BAZ2B: variants seen among roughly 807,000 people sequenced by gnomAD.
The protein encoded by BAZ2B is bromodomain adjacent to zinc finger domain protein 2B.
In BAZ2B, 91 loss-of-function variants were observed where a neutral mutation model predicts 246.0. That is an observed-to-expected ratio of 0.37 (90% confidence interval 0.31 to 0.44). The LOEUF is 0.44. Among genes scored for constraint, BAZ2B ranks in the 20% least tolerant of loss-of-function variants. BAZ2B has a pLI of 1.00. For missense variants in BAZ2B, 2,332 were observed against 2,533.7 expected, an observed-to-expected ratio of 0.92 and a Z score of 1.71; for synonymous variants, 855 against 860.0, an observed-to-expected ratio of 0.99 and a Z score of 0.10.
chr2:159,693,427 T>TTTA, the BAZ2B span: 1 of 148,600 alleles, frequency 6.7e-6, no homozygotes, highest in Non-Finnish European at 1.5e-5. Flanking sequence ...AAATAAACTT[T>TTTA]TTTTTTTTTT....
In BAZ2B at chr2:159,405,020, A is replaced by G. The variant is rs576728835; in HGVS notation, c.2770+2T>C. ...AGTTTATGTTACATTTAAATCACTC[A>G]CCTTGTTGTTTTTTGGCTTCTTTAG... On this transcript the variant is annotated splice_donor_variant, in intron 15 of 36. Coordinates refer to ENST00000392783, the MANE Select transcript of BAZ2B (RefSeq NM_013450.4). LOFTEE classifies it high-confidence loss of function. 1.9e-5 allele frequency: 30 copies of G among 1,613,664 alleles called. No individual in the cohort carries two copies. The Middle Eastern group carries it at 9.9e-4, about 53-fold the overall frequency.
chr2:159,563,449 G>A (rs1331480343), intron 1 of BAZ2B, among the ~76,000 whole-genome samples: 1 of 152,124 alleles, frequency 6.6e-6, no homozygotes, highest in African/African-American at 2.4e-5. Context: ...AAAGAGGAGT[G>A]TAAGGCATAC....
chr2:159,593,286 G>C lies in BAZ2B; in HGVS notation c.-46+22956C>G, dbSNP rs116670657. On this transcript the variant is annotated intron_variant, in intron 1 of 36. Transcript: ENST00000392783. ...CAAATCTCTGTATTTTATCTTTGTA[G>C]AATCTGGAATGTACTTCTATGTATT... Among the ~76,000 whole-genome samples, 918 of 152,210 alleles carry C rather than the reference G, an allele frequency of 6.0e-3. 7 individuals are homozygous for C. Among genetic ancestry groups the C allele is most frequent in the African/African-American group, 0.021 (876 of 41,526 alleles).
At chr2:159,541,489 G>C (rs547424239) in intron 2 of BAZ2B, among the ~76,000 whole-genome samples, 1 of 152,002 alleles carries the variant, frequency 6.6e-6, no homozygotes, top group South Asian at 2.1e-4. Context: ...ATGTTGGCCA[G>C]GCTGGTCTCA....
At chr2:159,420,070 T>G (rs2068459380) in intron 13 of BAZ2B, among the ~76,000 whole-genome samples, 1 of 152,224 alleles carries the variant, frequency 6.6e-6, no homozygotes, top group Non-Finnish European at 1.5e-5. Context: ...GCATTGTGCC[T>G]ACTGTTTTAT....
intron 34 of BAZ2B, among the ~76,000 whole-genome samples, chr2:159,330,604 T>A (rs2064563919): frequency 6.6e-6 from 1 of 152,000 alleles, no homozygotes; most frequent in African/African-American, 2.4e-5. Flanking sequence ...CTCACACCTG[T>A]AATCCCAGAC....
intron 1 of BAZ2B, among the ~76,000 whole-genome samples, chr2:159,599,456 T>C (rs1383664520): frequency 6.6e-6 from 1 of 151,134 alleles, no homozygotes; most frequent in African/African-American, 2.4e-5. Context: ...CCGTCTCTAC[T>C]AAAAAGACAA....
chr2:159,698,319 T>A, the BAZ2B span, among the ~76,000 whole-genome samples: 1 of 151,762 alleles, frequency 6.6e-6, no homozygotes, highest in African/African-American at 2.4e-5. Context: ...TCCATTGAGT[T>A]TGAGACCAGC....
intron 1 of BAZ2B, chr2:159,615,172 C>T (rs1013490905): frequency 6.7e-6 from 1 of 150,274 alleles, no homozygotes; most frequent in African/African-American, 2.4e-5. Flanking sequence ...GAAAATCTCC[C>T]AAACAACAGA....
chr2:159,394,976 A>C (rs2063816859), intron 20 of BAZ2B, among the ~76,000 whole-genome samples: 1 of 152,204 alleles, frequency 6.6e-6, no homozygotes, highest in African/African-American at 2.4e-5. Flanking sequence ...AGCTGAAACC[A>C]AAATACTGAA....
chr2:159,622,289 A>AAAAAGGC, the BAZ2B span, among the ~76,000 whole-genome samples: 24 of 116,624 alleles, frequency 2.1e-4, no homozygotes, highest in Non-Finnish European at 3.5e-4. Flanking sequence ...AAAAAGGCAA[A>AAAAAGGC]AACCAAAGTG....
chr2:159,351,289 T>C (rs986825827), intron 27 of BAZ2B, among the ~76,000 whole-genome samples: 4 of 152,120 alleles, frequency 2.6e-5, no homozygotes, highest in African/African-American at 9.7e-5. Context: ...CACCTTGACA[T>C]GTCGATAAAC....
At chr2:159,352,763 G>A (rs1401844482) in intron 27 of BAZ2B, among the ~76,000 whole-genome samples, 1 of 152,138 alleles carries the variant, frequency 6.6e-6, no homozygotes, top group African/African-American at 2.4e-5. Context: ...TGGGATTACA[G>A]GCATGAGCCA....
intron 14 of BAZ2B, among the ~76,000 whole-genome samples, chr2:159,409,735 G>GA (rs2066530676): frequency 6.6e-6 from 1 of 151,946 alleles, no homozygotes; most frequent in Non-Finnish European, 1.5e-5. Context: ...TTCTTCACAG[G>GA]AAAAAATGCA....
At chr2:159,487,517 T>TC (rs1316573528) in intron 2 of BAZ2B, among the ~76,000 whole-genome samples, 1 of 152,166 alleles carries the variant, frequency 6.6e-6, no homozygotes, top group Non-Finnish European at 1.5e-5. Context: ...CTTTCACTGT[T>TC]CCCTGGTCTT....
chr2:159,396,770 A>T (rs2149686144), intron 19 of BAZ2B, among the ~76,000 whole-genome samples: 1 of 152,270 alleles, frequency 6.6e-6, no homozygotes, highest in Non-Finnish European at 1.5e-5. Context: ...GAATGATGGG[A>T]GAATACGGGT....
At chr2:159,673,881 G>C in the BAZ2B span, among the ~76,000 whole-genome samples, 2 of 152,052 alleles carry the variant, frequency 1.3e-5, no homozygotes, top group Non-Finnish European at 2.9e-5. Flanking sequence ...AAATCCTGTA[G>C]AGGAATGATA....
At chr2:159,647,410 A>G in the BAZ2B span, among the ~76,000 whole-genome samples, 360 of 152,306 alleles carry the variant, frequency 2.4e-3, no homozygotes, top group Non-Finnish European at 4.2e-3. Flanking sequence ...AGTAGGATCA[A>G]CGTTCTTGTT....
intron 6 of BAZ2B, among the ~76,000 whole-genome samples, chr2:159,440,231 T>C (rs527555731): frequency 9.2e-5 from 14 of 152,246 alleles, no homozygotes; most frequent in African/African-American, 3.4e-4. Flanking sequence ...AAGTACAATC[T>C]AGGAACATTT....
Sources: gnomAD v4.1 joint callset for allele counts (sites outside exome capture counted in the v4.1 genomes callset) on GRCh38, gnomAD v4.1.1 for gene constraint, MANE v1.5 for transcripts, NCBI Gene and HGNC (gene_info 2026-07-23, HGNC 2026-07-21) for gene names.